Variants in DNAL4 observed in about 807,000 individuals in gnomAD.
The protein encoded by DNAL4 is dynein axonemal light chain 4.
In DNAL4, 10 loss-of-function variants were observed where a neutral mutation model predicts 12.6. That is an observed-to-expected ratio of 0.79 (90% CI 0.49 to 1.34). DNAL4 has a LOEUF of 1.34. DNAL4 is among the 40% of genes most tolerant of loss of function. The pLI is 0.00. For synonymous variants in DNAL4, 46 were observed against 53.1 expected, an observed-to-expected ratio of 0.87 and a Z score of 0.58; for missense variants, 128 against 138.1, an observed-to-expected ratio of 0.93 and a Z score of 0.37.
chr22:38,778,880 G>A lies in DNAL4; in HGVS notation c.*569C>T. On this transcript the variant is annotated 3_prime_UTR_variant, in exon 4 of 4. Transcript: ENST00000216068. ...ACCAAGGCTGGGGGCTGGGGGGGCT[G>A]CTGGCCCAGTGAGATGCAGTGGTCT... 1 of 152,720 alleles carries A rather than the reference G, an allele frequency of 6.5e-6. No homozygotes were observed. Among genetic ancestry groups the A allele is most frequent in the Non-Finnish European group, 1.5e-5 (1 of 68,344 alleles). 9.5% of individuals were successfully genotyped at this position (152,720 alleles called of 1,614,324 possible).
At position 38,779,595 on chromosome 22, in the gene DNAL4, TGATC is replaced by T; in HGVS notation, c.168_171del (p.Met56IlefsTer16). The T allele has an allele frequency of 6.3e-7, 1 of 1,599,156 alleles. No homozygotes were observed. Among genetic ancestry groups the T allele is most frequent in the South Asian group, 1.1e-5 (1 of 88,618 alleles). On this transcript the variant is annotated frameshift_variant, in exon 4 of 4. Coordinates refer to ENST00000216068, the MANE Select transcript of DNAL4 (RefSeq NM_005740.3). LOFTEE classifies it high-confidence loss of function. The surrounding 1 kb of genome is among the most constrained non-coding windows in gnomAD (Gnocchi z 4.3). The stretch of plus-strand genomic sequence containing the variant: ...CCGAACTTCTTGTCCATTGTCTCTT[TGATC>T]ATCTTGGCGGCGCTCTGGAAGGAAG...
At chr22:38,787,097 A>T (rs931925035) in intron 1 of DNAL4, among the ~76,000 whole-genome samples, 2 of 152,018 alleles carry the variant, frequency 1.3e-5, no homozygotes, top group African/African-American at 4.8e-5. Flanking sequence ...TGCACCTGAG[A>T]GATTGCAGGA....
chr22:38,783,308 C>T (rs897803062), intron 1 of DNAL4, among the ~76,000 whole-genome samples: 1 of 147,218 alleles, frequency 6.8e-6, no homozygotes. Flanking sequence ...TCCCACTACA[C>T]ACACGGGCCT....
At chr22:38,786,754 C>T (rs1032115128) in intron 1 of DNAL4, among the ~76,000 whole-genome samples, 4 of 152,162 alleles carry the variant, frequency 2.6e-5, no homozygotes, top group African/African-American at 9.7e-5. Context: ...TACATATCCT[C>T]ACCCCCTCTG....
chr22:38,780,229 C>T (rs899098584), intron 3 of DNAL4, among the ~76,000 whole-genome samples: 2 of 152,212 alleles, frequency 1.3e-5, no homozygotes, highest in Non-Finnish European at 1.5e-5. Context: ...TGCCAGGTGC[C>T]ATGCTGGGCA....
intron 1 of DNAL4, among the ~76,000 whole-genome samples, chr22:38,791,035 C>T (rs1026749533): frequency 3.3e-5 from 5 of 151,820 alleles, no homozygotes; most frequent in African/African-American, 7.3e-5. Flanking sequence ...GGTGTTGTGG[C>T]GCGCGCCTGT....
At chr22:38,785,055 G>A (rs1292922494) in intron 1 of DNAL4, among the ~76,000 whole-genome samples, 1 of 151,338 alleles carries the variant, frequency 6.6e-6, no homozygotes, top group African/African-American at 2.4e-5. Flanking sequence ...TCAATTCTGG[G>A]CATTTGTACC....
In DNAL4 at chr22:38,783,358, T is replaced by C. The variant is rs113832683; in HGVS notation, c.-139-488A>G. The stretch of plus-strand genomic sequence containing the variant: ...CACGCGGGCCTTCCCTCCCACTACA[T>C]ACGCGGGCCTTCCCTCCCACTGCAT... On this transcript the variant is annotated intron_variant, in intron 1 of 3. Coordinates refer to ENST00000216068, the MANE Select transcript of DNAL4 (RefSeq NM_005740.3). Among the ~76,000 whole-genome samples, 79 of 91,586 alleles carry C rather than the reference T, an allele frequency of 8.6e-4. 1 individual carries two copies. Among genetic ancestry groups the C allele is most frequent in the Middle Eastern group, 6.5e-3 (1 of 154 alleles). 60.1% of individuals were successfully genotyped at this position (91,586 alleles called of 152,430 possible).
intron 1 of DNAL4, among the ~76,000 whole-genome samples, chr22:38,792,714 G>A (rs559784497): frequency 5.3e-5 from 8 of 152,262 alleles, no homozygotes; most frequent in Admixed American, 4.6e-4. Context: ...CCCGCTGGAC[G>A]GTCTTCAGGG....
rs2093035098 is a variant in DNAL4, at chr22:38,782,027, CT to C, written c.69+635del. Reference sequence around the variant, plus strand: ...TGCTTAAAACCCTTCAGTGTTCCCCCTTCGATTCAGGACAGAACCCACAGTT... The same window carrying C: ...TGCTTAAAACCCTTCAGTGTTCCCCCTCGATTCAGGACAGAACCCACAGTT... On this transcript the variant is annotated intron_variant, in intron 2 of 3. Transcript: ENST00000216068. The surrounding 1 kb of genome is among the most constrained non-coding windows in gnomAD (Gnocchi z 5.1). Among the ~76,000 whole-genome samples, 1 of 152,246 alleles carries C rather than the reference CT, an allele frequency of 6.6e-6. No individual in the cohort carries two copies. The highest frequency in any genetic ancestry group is 1.5e-5 in the Non-Finnish European group (1 of 68,048).
intron 2 of DNAL4, 67 bp from the exon 3 acceptor site, chr22:38,781,076 CCT>C: frequency 6.4e-7 from 1 of 1,572,632 alleles, no homozygotes; most frequent in Non-Finnish European, 8.7e-7. Context: ...TCCTGGCTGG[CCT>C]CTCTGTCCCA....
At chr22:38,787,370 T>C (rs541743190) in intron 1 of DNAL4, among the ~76,000 whole-genome samples, 3 of 152,104 alleles carry the variant, frequency 2.0e-5, no homozygotes, top group African/African-American at 4.8e-5. Context: ...GCCTCCCAAG[T>C]AGCTGGGATT....
chr22:38,782,691 T>A lies in DNAL4; in HGVS notation c.41A>T (p.Lys14Met), dbSNP rs1329792987. The A allele has an allele frequency of 6.2e-7, 1 of 1,610,720 alleles. No homozygotes were observed. The highest frequency in any genetic ancestry group is 1.1e-5 in the South Asian group (1 of 90,900). The stretch of plus-strand genomic sequence containing the variant: ...GACCAGAGGGAAGGTCTGCAGTCGC[T>A]TATAATCAGCCTCATCTTTCTTCCC... ...TEGKKDEADY[K>M]RLQTFPLVRH... is the part of the protein sequence containing the mutation. Residue 14 changes from lysine to methionine, a missense_variant, in exon 2 of 4, where the codon AAG (lysine) becomes ATG (methionine). Transcript: ENST00000216068. The surrounding 1 kb of genome is among the most constrained non-coding windows in gnomAD (Gnocchi z 5.1).
intron 1 of DNAL4, among the ~76,000 whole-genome samples, chr22:38,784,184 C>T (rs189844954): frequency 0.011 from 1,671 of 152,288 alleles, 30 homozygotes; most frequent in African/African-American, 0.037. Context: ...TGACGGCTGT[C>T]GGTTTCCTGC....
intron 2 of DNAL4, among the ~76,000 whole-genome samples, chr22:38,781,791 G>C (rs563956144): frequency 2.0e-5 from 3 of 152,206 alleles, no homozygotes; most frequent in Admixed American, 2.0e-4. Flanking sequence ...TTGGCAGCAG[G>C]TCCTTTGGCC....
chr22:38,790,884 T>A (rs2093049521), intron 1 of DNAL4, among the ~76,000 whole-genome samples: 1 of 152,120 alleles, frequency 6.6e-6, no homozygotes, highest in South Asian at 2.1e-4. Context: ...AAAAGTACAG[T>A]TGGCCGGGTG....
chr22:38,788,492 G>A (rs796472924), intron 1 of DNAL4, among the ~76,000 whole-genome samples: 20 of 152,022 alleles, frequency 1.3e-4, no homozygotes, highest in African/African-American at 4.4e-4. Context: ...AGAGGAGGGA[G>A]GGAGAGAAGA....
intron 1 of DNAL4, among the ~76,000 whole-genome samples, chr22:38,787,882 G>C (rs1235424954): frequency 6.6e-6 from 1 of 152,228 alleles, no homozygotes; most frequent in Admixed American, 6.5e-5. Flanking sequence ...CTGGAGCTCA[G>C]AGAGGTTTTA....
chr22:38,790,654 G>A (rs761517195), intron 1 of DNAL4, among the ~76,000 whole-genome samples: 2 of 152,182 alleles, frequency 1.3e-5, no homozygotes, highest in Non-Finnish European at 2.9e-5. Context: ...ACAGTCATGC[G>A]TTGCTTAATG....
Sources: gnomAD v4.1 joint callset for allele counts (sites outside exome capture counted in the v4.1 genomes callset) on GRCh38, gnomAD v4.1.1 for gene constraint, Gnocchi (gnomAD v3.1) non-coding constraint, MANE v1.5 for transcripts, NCBI Gene and HGNC (gene_info 2026-07-23, HGNC 2026-07-21) for gene names.